DPH5: variants seen among roughly 807,000 people sequenced by gnomAD.
The protein encoded by DPH5 is diphthine methyl ester synthase.
In DPH5, 31 loss-of-function variants were observed where a neutral mutation model predicts 31.6. The observed-to-expected ratio is 0.98, with a 90% CI of 0.74 to 1.32. The LOEUF (loss-of-function observed/expected upper bound fraction) is 1.32, where lower values mean the gene tolerates loss of function less well. Among genes scored for constraint, DPH5 ranks in the 40% most tolerant of loss-of-function variants. The probability of loss-of-function intolerance (pLI) is 0.00; values close to 1 mark genes in which losing one functional copy is unlikely to be tolerated. For synonymous variants in DPH5, 120 were observed against 115.0 expected, an observed-to-expected ratio of 1.04 and a Z score of -0.28; for missense variants, 309 against 335.7, an observed-to-expected ratio of 0.92 and a Z score of 0.62.
Position 101,021,785 on chromosome 1 carries a change from A to G in DPH5, c.136-20T>C, listed in dbSNP as rs968532052. On this transcript the variant is annotated intron_variant, in intron 2 of 7. Coordinates refer to ENST00000370109, the MANE Select transcript of DPH5 (RefSeq NM_015958.3). Reference sequence around the variant, plus strand: ...CTCTTCCTACAGATATAAGTCCAATATCAAGATAAAGAGACAGCAGGTGAC... The same window carrying G: ...CTCTTCCTACAGATATAAGTCCAATGTCAAGATAAAGAGACAGCAGGTGAC... The G allele has an allele frequency of 1.2e-5, 19 of 1,603,426 alleles. No homozygotes were observed. Among genetic ancestry groups the G allele is most frequent in the Non-Finnish European group, 1.5e-5 (18 of 1,173,990 alleles).
Position 101,025,340 on chromosome 1 carries a change from G to C in DPH5, c.104C>G (p.Thr35Ser). Residue 35 changes from threonine (T) to serine (S), a missense_variant, in exon 2 of 8, where the codon ACC becomes AGC. Coordinates refer to ENST00000370109, the MANE Select transcript of DPH5 (RefSeq NM_015958.3). ...RCSRVYLEAY[T>S]SVLTVGKEAL... ...TTCCTTCCCTACAGTTAGGACTGAG[G>C]TGTAGGCTTCCAGATACACTCGACT... 1.9e-6 allele frequency: 3 copies of C among 1,614,212 alleles called. No homozygotes were observed. The highest frequency in any genetic ancestry group is 2.5e-6 in the Non-Finnish European group (3 of 1,180,042).
rs11546645 is a variant in DPH5, at chr1:100,990,320, C to T, written c.*88G>A. ...CCTGGGAATTATGAGGATTAAAATT[C>T]AAGATGAGACTTGGGTGGGGATACA... On this transcript the variant is annotated 3_prime_UTR_variant, in exon 8 of 8. Transcript: ENST00000370109. 8.1e-7 allele frequency: 1 copy of T among 1,239,732 alleles called. No homozygotes were observed. The allele number at this position is 1,239,732 out of a possible 1,614,324, so 76.8% of individuals were successfully genotyped here.
intron 3 of DPH5, among the ~76,000 whole-genome samples, chr1:101,019,397 A>T (rs774675357): frequency 1.3e-5 from 2 of 152,200 alleles, no homozygotes; most frequent in Non-Finnish European, 2.9e-5. Context: ...GAATGTACTT[A>T]GTATGCCACT....
At chr1:100,994,432 A>C (rs1209703109) in intron 6 of DPH5, among the ~76,000 whole-genome samples, 1 of 152,152 alleles carries the variant, frequency 6.6e-6, no homozygotes, top group African/African-American at 2.4e-5. Flanking sequence ...TCTAAGTAAA[A>C]AAGGATTAGT....
intron 5 of DPH5, among the ~76,000 whole-genome samples, chr1:100,997,410 G>C (rs1054343995): frequency 2.0e-4 from 31 of 152,020 alleles, no homozygotes; most frequent in African/African-American, 6.3e-4. Context: ...CTGTGGTCCA[G>C]GCTGGAGTGC....
At chr1:101,011,006 AC>A (rs1421471185) in intron 4 of DPH5, among the ~76,000 whole-genome samples, 1 of 152,176 alleles carries the variant, frequency 6.6e-6, no homozygotes, top group East Asian at 1.9e-4. Flanking sequence ...AAGCCCAGCA[AC>A]CTGTCTTACA....
Position 100,990,611 on chromosome 1 carries a change from A to G in DPH5, c.655T>C (p.Cys219Arg). The G allele has an allele frequency of 6.2e-7, 1 of 1,614,090 alleles. No homozygotes were observed. Among genetic ancestry groups the G allele is most frequent in the Non-Finnish European group, 8.5e-7 (1 of 1,179,992 alleles). The stretch of plus-strand genomic sequence containing the variant: ...GCTCCAACCCTGGCTAAGCCAACAC[A>G]AAGTGTCTCCTCGGTAACTGCTATT... ...EEPAVTEETL[C>R]VGLARVGADD... Residue 219 changes from cysteine to arginine, a missense_variant, in exon 8 of 8, where the codon TGT becomes CGT. Physicochemically the swap from Cys to Arg is radical, Grantham distance 180. Transcript: ENST00000370109.
At chr1:101,017,069 G>A (rs2101275291) in intron 3 of DPH5, among the ~76,000 whole-genome samples, 1 of 152,196 alleles carries the variant, frequency 6.6e-6, no homozygotes, top group African/African-American at 2.4e-5. Flanking sequence ...ATGTAATAAT[G>A]AAAAAGCTTG....
intron 2 of DPH5, chr1:101,022,901 G>A (rs886496561): frequency 6.6e-6 from 1 of 152,136 alleles, no homozygotes; most frequent in Admixed American, 6.5e-5. Flanking sequence ...GAGGTCAAGA[G>A]TGGTAGACCT....
Position 100,990,461 on chromosome 1 carries a change from G to C in DPH5, c.805C>G (p.Leu269Val). 6.2e-7 allele frequency: 1 copy of C among 1,614,072 alleles called. No homozygotes were observed. The highest frequency in any genetic ancestry group is 8.5e-7 in the Non-Finnish European group (1 of 1,179,996). Residue 269 changes from leucine to valine, a missense_variant, in exon 8 of 8, where the codon CTG becomes GTG. Coordinates refer to ENST00000370109, the MANE Select transcript of DPH5 (RefSeq NM_015958.3). ...GAGCTATTTTCTGGTATGGAAAACA[G>C]ACTTAGCATCTCCATCTCCATTGGA... is the stretch of plus-strand genomic sequence containing the variant. ...IHPMEMEMLS[L>V]FSIPENSSES...
At chr1:101,001,250 G>A (rs1439757494) in intron 5 of DPH5, among the ~76,000 whole-genome samples, 1 of 152,204 alleles carries the variant, frequency 6.6e-6, no homozygotes, top group Non-Finnish European at 1.5e-5. Context: ...AGGGAGCAGT[G>A]TAACTATGGT....
chr1:100,992,523 C>G, intron 7 of DPH5, 114 bp downstream of exon 7: 1 of 675,998 alleles, frequency 1.5e-6, no homozygotes. Context: ...AGAAATAGTA[C>G]AATACAAAAA....
At chr1:101,025,524 G>A in intron 1 of DPH5, 58 bp from the exon 2 acceptor site, 1 of 1,549,368 alleles carries the variant, frequency 6.5e-7, no homozygotes, top group Non-Finnish European at 8.8e-7. Flanking sequence ...CTAAAATCTA[G>A]TGATGAACAC....
chr1:101,004,980 G>A (rs1659127033), intron 4 of DPH5, among the ~76,000 whole-genome samples: 2 of 152,080 alleles, frequency 1.3e-5, no homozygotes, highest in Non-Finnish European at 2.9e-5. Context: ...GCCAATTCCT[G>A]TAAATTCTGC....
At chr1:100,991,707 T>C (rs1394260274) in intron 7 of DPH5, among the ~76,000 whole-genome samples, 4 of 147,856 alleles carry the variant, frequency 2.7e-5, no homozygotes, top group African/African-American at 1.0e-4. Flanking sequence ...GAGGGTGGCT[T>C]GAGCCCGGGA....
rs1389578582 is a variant in DPH5, at chr1:100,993,576, A to ATG, written c.531-837_531-836insCA. On this transcript the variant is annotated intron_variant, in intron 6 of 7. Transcript: ENST00000370109. ...AAAATATAAATATATATATATATAT[A>ATG]TATATATATATATATATATATAGCT... 4.4e-5 allele frequency among the ~76,000 whole-genome samples: 4 copies of ATG among 89,948 alleles called. 1 individual carries two copies. Among genetic ancestry groups the ATG allele is most frequent in the Non-Finnish European group, 7.6e-5 (3 of 39,402 alleles). The allele number at this position is 89,948 out of a possible 152,430, so 59.0% of individuals were successfully genotyped here.
chr1:101,011,290 G>A (rs1659620220), intron 4 of DPH5, among the ~76,000 whole-genome samples: 1 of 152,078 alleles, frequency 6.6e-6, no homozygotes. Flanking sequence ...TAATTTCAGT[G>A]GTATAAGAAG....
chr1:101,007,614 C>G (rs535748493), intron 4 of DPH5, among the ~76,000 whole-genome samples: 34 of 151,990 alleles, frequency 2.2e-4, no homozygotes, highest in African/African-American at 7.7e-4. Context: ...ACTCGGGAGG[C>G]TGAGGCAGGA....
chr1:101,009,168 A>G (rs893905156), intron 4 of DPH5, among the ~76,000 whole-genome samples: 1 of 152,234 alleles, frequency 6.6e-6, no homozygotes, highest in Non-Finnish European at 1.5e-5. Flanking sequence ...CATACCCTCA[A>G]GAGTCTAGGA....
Sources: allele counts gnomAD v4.1 joint callset (sites outside exome capture counted in the v4.1 genomes callset), GRCh38; gene constraint gnomAD v4.1.1; transcripts MANE v1.5; gene names NCBI Gene and HGNC (gene_info 2026-07-23, HGNC 2026-07-21).